ANO2: variants seen among roughly 807,000 people sequenced by gnomAD.
ANO2 encodes anoctamin-2.
ANO2 carries 101 observed loss-of-function variants against 124.2 expected under a neutral mutation model. The ratio of observed to expected loss-of-function variants is 0.81; its 90% CI spans 0.69 to 0.96. The LOEUF (loss-of-function observed/expected upper bound fraction) is 0.96, where lower values mean the gene tolerates loss of function less well. Among genes scored for constraint, ANO2 ranks in the 40% least tolerant of loss-of-function variants. ANO2 has a pLI of 0.00. For missense variants in ANO2, 1,293 were observed against 1,274.5 expected (o/e 1.01, Z -0.22); for synonymous variants, 486 against 482.5 (o/e 1.01, Z -0.09).
intron 7 of ANO2, among the ~76,000 whole-genome samples, chr12:5,823,298 A>G (rs1202852794): frequency 6.6e-6 from 1 of 152,238 alleles, no homozygotes; most frequent in Non-Finnish European, 1.5e-5. Flanking sequence ...GTCTCATCTG[A>G]GATAAGGCAA....
At chr12:5,711,473 G>GA (rs1358644974) in intron 14 of ANO2, among the ~76,000 whole-genome samples, 3 of 152,170 alleles carry the variant, frequency 2.0e-5, no homozygotes, top group Admixed American at 1.3e-4. Context: ...TAAGCCACAT[G>GA]AATCTCTTTT....
intron 14 of ANO2, among the ~76,000 whole-genome samples, chr12:5,669,540 C>CTGAT (rs1443051875): frequency 5.9e-5 from 9 of 152,114 alleles, no homozygotes; most frequent in Non-Finnish European, 1.3e-4. Context: ...TTTCTCTTAC[C>CTGAT]TGATTGTCCT....
intron 3 of ANO2, among the ~76,000 whole-genome samples, chr12:5,867,864 A>G (rs961086296): frequency 4.0e-5 from 6 of 151,738 alleles, no homozygotes; most frequent in Admixed American, 1.3e-4. Context: ...TGTCAAGAGC[A>G]CTATGAAAAT....
At chr12:5,673,373 G>GAGT (rs1467229884) in intron 14 of ANO2, among the ~76,000 whole-genome samples, 1 of 152,228 alleles carries the variant, frequency 6.6e-6, no homozygotes, top group Non-Finnish European at 1.5e-5. Flanking sequence ...CCACACAAGG[G>GAGT]AGTACTTAAG....
chr12:5,623,516 G>A (rs1037376792), intron 16 of ANO2, among the ~76,000 whole-genome samples: 2 of 152,112 alleles, frequency 1.3e-5, no homozygotes, highest in African/African-American at 4.8e-5. Flanking sequence ...AAAAATATGA[G>A]TGCAAATGAC....
intron 3 of ANO2, 92 bp from the exon 4 acceptor site, chr12:5,854,233 C>G (rs542439418): frequency 1.7e-6 from 2 of 1,153,574 alleles, no homozygotes; most frequent in South Asian, 2.6e-5. Flanking sequence ...AGGAGCCCAA[C>G]CCGTTGTTCT....
chr12:5,887,111 A>G (rs533568070), intron 3 of ANO2, among the ~76,000 whole-genome samples: 1 of 152,372 alleles, frequency 6.6e-6, no homozygotes, highest in Non-Finnish European at 1.5e-5. Flanking sequence ...TTTAACCACA[A>G]TAAAAGGAAA....
At chr12:5,726,336 A>C (rs1950438024) in intron 14 of ANO2, among the ~76,000 whole-genome samples, 1 of 152,116 alleles carries the variant, frequency 6.6e-6, no homozygotes. Context: ...TTTACACAAA[A>C]CCACTAATGT....
chr12:5,828,195 T>C (rs1271661930), intron 6 of ANO2, among the ~76,000 whole-genome samples: 2 of 152,106 alleles, frequency 1.3e-5, no homozygotes, highest in Non-Finnish European at 2.9e-5. Flanking sequence ...GGGCACAGTG[T>C]CTGCCGCCCA....
At chr12:5,671,061 G>A (rs544825826) in intron 14 of ANO2, among the ~76,000 whole-genome samples, 1 of 152,326 alleles carries the variant, frequency 6.6e-6, no homozygotes, top group East Asian at 1.9e-4. Flanking sequence ...TGCCCTCTCA[G>A]AAGCACACTT....
At chr12:5,821,076 C>T (rs1401258611) in intron 7 of ANO2, among the ~76,000 whole-genome samples, 3 of 152,308 alleles carry the variant, frequency 2.0e-5, no homozygotes, top group South Asian at 4.1e-4. Context: ...TTCGCTTCCA[C>T]AAGATATCAC....
intron 16 of ANO2, among the ~76,000 whole-genome samples, chr12:5,625,317 T>C (rs951257918): frequency 2.6e-5 from 4 of 151,812 alleles, no homozygotes; most frequent in Non-Finnish European, 5.9e-5. Flanking sequence ...ATCTGGGATA[T>C]GTTTGAAGGT....
chr12:5,853,533 T>C (rs957235132), intron 4 of ANO2, among the ~76,000 whole-genome samples: 4 of 151,902 alleles, frequency 2.6e-5, no homozygotes, highest in Non-Finnish European at 1.5e-5. Context: ...CTTAATCAAT[T>C]CACCTGATTA....
intron 10 of ANO2, among the ~76,000 whole-genome samples, chr12:5,759,749 G>A (rs749983161): frequency 6.6e-6 from 1 of 151,446 alleles, no homozygotes; most frequent in Non-Finnish European, 1.5e-5. Flanking sequence ...TGCCAAAAAG[G>A]TTGCGGACTG....
At chr12:5,646,340 A>C (rs997363661) in intron 15 of ANO2, among the ~76,000 whole-genome samples, 3 of 152,222 alleles carry the variant, frequency 2.0e-5, no homozygotes, top group Admixed American at 6.5e-5. Flanking sequence ...AAGATTGAAA[A>C]ATACATTTAT....
chr12:5,786,541 G>T (rs1952545188), intron 10 of ANO2, among the ~76,000 whole-genome samples: 1 of 152,124 alleles, frequency 6.6e-6, no homozygotes, highest in African/African-American at 2.4e-5. Flanking sequence ...TGGCTTTTAA[G>T]ACCCCTCCCA....
intron 10 of ANO2, among the ~76,000 whole-genome samples, chr12:5,796,322 ACACT>A (rs956190507): frequency 6.6e-6 from 1 of 150,796 alleles, no homozygotes; most frequent in African/African-American, 2.4e-5. Flanking sequence ...CTCCCTGCTC[ACACT>A]CACACACTCA....
chr12:5,725,746 C>T (rs916052740), intron 14 of ANO2, among the ~76,000 whole-genome samples: 3 of 152,000 alleles, frequency 2.0e-5, no homozygotes, highest in Non-Finnish European at 4.4e-5. Flanking sequence ...AGGTGGTGCC[C>T]ACTTCCTGCC....
intron 3 of ANO2, among the ~76,000 whole-genome samples, chr12:5,861,839 C>A (rs976805765): frequency 3.9e-5 from 6 of 152,148 alleles, no homozygotes; most frequent in Admixed American, 3.3e-4. Context: ...GCTCACACAG[C>A]TGGAGGACAG....
Sources: gnomAD v4.1 joint callset for allele counts (sites outside exome capture counted in the v4.1 genomes callset) on GRCh38, gnomAD v4.1.1 for gene constraint, MANE v1.5 for transcripts, NCBI Gene and HGNC (gene_info 2026-07-23, HGNC 2026-07-21) for gene names.